The following PARD3B variants were observed in gnomAD, a reference collection of about 807,000 sequenced individuals.
PARD3B encodes par-3 family cell polarity regulator beta.
In PARD3B, 103 loss-of-function variants were observed where a neutral mutation model predicts 130.2. That is an observed-to-expected ratio of 0.79 (90% CI 0.67 to 0.93). The LOEUF is 0.93. Among genes scored for constraint, PARD3B ranks in the 40% least tolerant of loss-of-function variants. PARD3B has a pLI of 0.00. For synonymous variants in PARD3B, 583 were observed against 553.2 expected, an observed-to-expected ratio of 1.05 and a Z score of -0.76; for missense variants, 1,609 against 1,499.2, an observed-to-expected ratio of 1.07 and a Z score of -1.21.
chr2:205,151,855 T>C (rs1195823817), intron 10 of PARD3B, among the ~76,000 whole-genome samples: 2 of 152,200 alleles, frequency 1.3e-5, no homozygotes, highest in Non-Finnish European at 2.9e-5. Flanking sequence ...CTTCCTAGCC[T>C]GGATGGTCTT....
At chr2:204,727,004 C>T (rs961805) in intron 2 of PARD3B, among the ~76,000 whole-genome samples, 19,070 of 152,172 alleles carry the variant, frequency 0.13, 1,466 homozygotes, top group African/African-American at 0.22. Context: ...TTCCCTTCCC[C>T]GCCCTGCACG....
In PARD3B at chr2:205,158,258, T is replaced by C. The variant is rs923393009; in HGVS notation, c.1435-464T>C. Reference sequence around the variant, plus strand: ...ATAGTAAATGATATGTTTTAAATTATATATGCCCCATATTTTCCTGAAATT... The same window carrying C: ...ATAGTAAATGATATGTTTTAAATTACATATGCCCCATATTTTCCTGAAATT... On this transcript the variant is annotated intron_variant, in intron 10 of 22. Coordinates refer to ENST00000406610, the MANE Select transcript of PARD3B (RefSeq NM_001302769.2). The surrounding 1 kb of genome is among the most constrained non-coding windows in gnomAD (Gnocchi z 5.4). Among the ~76,000 whole-genome samples the C allele has an allele frequency of 5.9e-5, 9 of 152,190 alleles. No homozygotes were observed. Among genetic ancestry groups the C allele is most frequent in the African/African-American group, 1.9e-4 (8 of 41,444 alleles).
intron 15 of PARD3B, among the ~76,000 whole-genome samples, chr2:205,232,714 C>A (rs536977931): frequency 3.3e-5 from 5 of 151,988 alleles, no homozygotes; most frequent in African/African-American, 4.8e-5. Context: ...TAAAAGAAGA[C>A]CCAAATCAAA....
At chr2:205,026,931 C>A (rs1469314831) in intron 3 of PARD3B, among the ~76,000 whole-genome samples, 1 of 152,086 alleles carries the variant, frequency 6.6e-6, no homozygotes, top group Non-Finnish European at 1.5e-5. Flanking sequence ...CATCAGTGGA[C>A]ACCGAGGTTG....
intron 3 of PARD3B, among the ~76,000 whole-genome samples, chr2:204,977,202 G>A (rs1384115020): frequency 1.3e-5 from 2 of 151,704 alleles, no homozygotes; most frequent in Non-Finnish European, 3.0e-5. Flanking sequence ...TCATAGAAGG[G>A]TAATTGCTTT....
At chr2:205,045,024 A>G (rs1394677463) in intron 3 of PARD3B, among the ~76,000 whole-genome samples, 1 of 152,070 alleles carries the variant, frequency 6.6e-6, no homozygotes. Context: ...AAGATACTCA[A>G]CAGGAGACAT....
At chr2:205,425,660 A>C (rs1477823967) in intron 19 of PARD3B, among the ~76,000 whole-genome samples, 1 of 152,132 alleles carries the variant, frequency 6.6e-6, no homozygotes, top group Non-Finnish European at 1.5e-5. Context: ...ACAAAGAACC[A>C]GTTAACTTTT....
At chr2:204,644,605 T>G (rs972428152) in intron 1 of PARD3B, among the ~76,000 whole-genome samples, 13 of 152,100 alleles carry the variant, frequency 8.5e-5, no homozygotes, top group African/African-American at 3.1e-4. Flanking sequence ...AATTTAAATT[T>G]TAAAATATTT....
chr2:205,217,145 A>G (rs1002329920), intron 15 of PARD3B, among the ~76,000 whole-genome samples: 15 of 152,194 alleles, frequency 9.9e-5, no homozygotes, highest in African/African-American at 3.6e-4. Flanking sequence ...GGCCAGGACT[A>G]TCACATGTCA....
chr2:205,239,378 A>T (rs377281042), intron 15 of PARD3B, among the ~76,000 whole-genome samples: 8 of 152,306 alleles, frequency 5.3e-5, no homozygotes, highest in African/African-American at 1.9e-4. Flanking sequence ...CCTGAAGCAT[A>T]TCTTTTTCTT....
At chr2:204,725,719 C>T (rs1192361283) in intron 2 of PARD3B, among the ~76,000 whole-genome samples, 1 of 152,154 alleles carries the variant, frequency 6.6e-6, no homozygotes, top group Admixed American at 6.6e-5. Context: ...CTGTTGCCTT[C>T]CATTGTTAGG....
rs778905237 is a variant in PARD3B, at chr2:205,572,045, G to C, written c.3260+18642G>C. Among the ~76,000 whole-genome samples, 2 of 152,164 alleles carry C rather than the reference G, an allele frequency of 1.3e-5. No homozygotes were observed. The highest frequency in any genetic ancestry group is 2.9e-5 in the Non-Finnish European group (2 of 68,026). On this transcript the variant is annotated intron_variant, in intron 22 of 22. Coordinates refer to ENST00000406610, the MANE Select transcript of PARD3B (RefSeq NM_001302769.2). This position sits in a 1 kb window ranked among gnomAD's most constrained non-coding sequence, Gnocchi z 4.2. ...GAGCTGTGGAGTTATTTTGTTTATT[G>C]TTCTGAAGTTCTATGAGCATGAAGG...
chr2:205,057,514 TGTGC>T (rs1186782015), intron 4 of PARD3B, among the ~76,000 whole-genome samples: 2 of 143,034 alleles, frequency 1.4e-5, no homozygotes, highest in African/African-American at 2.7e-5. Flanking sequence ...TATATGTGTA[TGTGC>T]ATGTGTATAT....
intron 18 of PARD3B, among the ~76,000 whole-genome samples, chr2:205,387,723 A>G (rs1479455814): frequency 1.3e-5 from 2 of 152,208 alleles, no homozygotes; most frequent in African/African-American, 4.8e-5. Context: ...TCACTTCAAT[A>G]TTAGGTGGGG....
At chr2:205,095,372 G>C (rs995792385) in intron 4 of PARD3B, among the ~76,000 whole-genome samples, 1 of 152,040 alleles carries the variant, frequency 6.6e-6, no homozygotes, top group Non-Finnish European at 1.5e-5. Flanking sequence ...TGTGTTATTT[G>C]AATATGAGAA....
chr2:205,210,813 TTGAC>T, intron 15 of PARD3B, among the ~76,000 whole-genome samples: 1 of 152,244 alleles, frequency 6.6e-6, no homozygotes, highest in East Asian at 1.9e-4. Context: ...TCCCAGCTGT[TTGAC>T]TGTATGTTTT....
chr2:204,640,152 GCT>G (rs1305609322), intron 1 of PARD3B, among the ~76,000 whole-genome samples: 5 of 152,206 alleles, frequency 3.3e-5, no homozygotes, highest in African/African-American at 1.2e-4. Context: ...TACTTGGGAG[GCT>G]GATATAGGAG....
chr2:205,138,390 A>G (rs2032671823), intron 10 of PARD3B, among the ~76,000 whole-genome samples: 1 of 152,162 alleles, frequency 6.6e-6, no homozygotes, highest in South Asian at 2.1e-4. Context: ...CCCTAGATGA[A>G]GAATGTGCTT....
chr2:205,371,858 C>T (rs185179327), intron 18 of PARD3B, among the ~76,000 whole-genome samples: 5 of 152,208 alleles, frequency 3.3e-5, no homozygotes, highest in East Asian at 3.9e-4. Context: ...TACTTTCTGT[C>T]GCTCTACATT....
Sources: allele counts gnomAD v4.1 joint callset (sites outside exome capture counted in the v4.1 genomes callset), GRCh38; gene constraint gnomAD v4.1.1; non-coding constraint Gnocchi (gnomAD v3.1); transcripts MANE v1.5; gene names NCBI Gene and HGNC (gene_info 2026-07-23, HGNC 2026-07-21).